Variants in LRRC47 observed in about 807,000 individuals in gnomAD.
LRRC47 encodes leucine rich repeat containing 47, also known as leucine-rich repeat-containing protein 47.
LRRC47 carries 31 observed loss-of-function variants against 40.9 expected under a neutral mutation model. That is an observed-to-expected ratio of 0.76 (90% CI 0.57 to 1.02). The LOEUF is 1.02. Among genes scored for constraint, LRRC47 ranks in the 50% least tolerant of loss-of-function variants. The pLI, the probability that LRRC47 is intolerant of heterozygous loss-of-function variation, is 0.00. For synonymous variants in LRRC47, 427 were observed against 371.9 expected (o/e 1.15, Z -1.70); for missense variants, 726 against 796.1 (o/e 0.91, Z 1.06).
chr1:3,794,746 C>T (rs1286448320), intron 1 of LRRC47, among the ~76,000 whole-genome samples: 3 of 151,724 alleles, frequency 2.0e-5, no homozygotes, highest in Non-Finnish European at 2.9e-5. Context: ...AAAGTGTATA[C>T]GTATTTTATT....
At chr1:3,789,934 A>G (rs903480581) in intron 1 of LRRC47, among the ~76,000 whole-genome samples, 5 of 152,174 alleles carry the variant, frequency 3.3e-5, no homozygotes, top group Non-Finnish European at 5.9e-5. Context: ...TGAGGGAGCA[A>G]GCAGGCGCGC....
Position 3,787,277 on chromosome 1 carries a change from T to A in LRRC47, c.649A>T (p.Ile217Phe). 1 of 1,612,896 alleles carries A rather than the reference T, an allele frequency of 6.2e-7. No homozygotes were observed. Residue 217 changes from isoleucine to phenylalanine, a missense_variant, in exon 2 of 7, where the codon ATC (isoleucine) becomes TTC (phenylalanine). Ile to Phe is a conservative substitution (Grantham distance 21). Coordinates refer to ENST00000378251, the MANE Select transcript of LRRC47 (RefSeq NM_020710.3). ...GGGCAGTCCGCAAGCTCTGCAGGGA[T>A]CTCGCTCAGCTGGTTGTTCGAGAGG... Reference protein sequence around the residue: ...LDLSNNQLSEIPAELADCPKL... With the variant: ...LDLSNNQLSEFPAELADCPKL...
chr1:3,794,474 G>C (rs1361426471), intron 1 of LRRC47, among the ~76,000 whole-genome samples: 1 of 151,764 alleles, frequency 6.6e-6, no homozygotes, highest in African/African-American at 2.4e-5. Context: ...AGCCTCCCGA[G>C]TAGCTGGGAC....
Position 3,787,054 on chromosome 1 carries a change from C to T in LRRC47, c.872G>A (p.Arg291Gln), listed in dbSNP as rs933583312. The change falls in exon 2 of 7, where the codon CGG (arginine) becomes CAG (glutamine). Residue 291 changes from arginine to glutamine, a missense_variant. Transcript: ENST00000378251. Reference sequence around the variant, plus strand: ...CTGCTCCTCCCCATCACCACCTTCCCGCCTCTGCTTCCTCTCCCTCCTCTT... The same window carrying T: ...CTGCTCCTCCCCATCACCACCTTCCTGCCTCTGCTTCCTCTCCCTCCTCTT... ...RRKRRERKQRREGGDGEEQDV... is the reference protein window; with the variant it reads ...RRKRRERKQRQEGGDGEEQDV... 10 of 1,613,576 alleles carry T rather than the reference C, an allele frequency of 6.2e-6. No homozygotes were observed. The highest frequency in any genetic ancestry group is 4.5e-5 in the East Asian group (2 of 44,846).
chr1:3,791,059 T>C (rs1212860082), intron 1 of LRRC47, among the ~76,000 whole-genome samples: 1 of 152,104 alleles, frequency 6.6e-6, no homozygotes, highest in Non-Finnish European at 1.5e-5. Context: ...TGAGGAGCCC[T>C]GAGCCCTGTG....
In LRRC47 at chr1:3,781,267, C is replaced by T. The variant is rs1310480048; in HGVS notation, c.1573G>A (p.Asp525Asn). The T allele has an allele frequency of 3.7e-6, 6 of 1,614,082 alleles. No homozygotes were observed. Among genetic ancestry groups the T allele is most frequent in the Admixed American group, 3.3e-5 (2 of 60,002 alleles). Residue 525 changes from aspartate (D) to asparagine (N), a missense_variant, in exon 7 of 7, where the codon GAT becomes AAT. Transcript: ENST00000378251. ...EEGSLSDTEA[D>N]AVSGQLPDPT... ...TCTGGAAGTTGTCCAGAGACTGCAT[C>T]GGCTTCAGTATCTGAGAGTGATCCT...
intron 1 of LRRC47, among the ~76,000 whole-genome samples, chr1:3,789,220 C>T (rs963296278): frequency 6.6e-6 from 1 of 152,276 alleles, no homozygotes; most frequent in Non-Finnish European, 1.5e-5. Context: ...CCTGTCAGAG[C>T]CCTGGCTCCA....
Position 3,787,254 on chromosome 1 carries a change from G to A in LRRC47, c.672C>T (p.Cys224=). Residue 224 remains cysteine, a synonymous_variant, in exon 2 of 7, where the codon TGC becomes TGT. Coordinates refer to ENST00000378251, the MANE Select transcript of LRRC47 (RefSeq NM_020710.3). ...GGAAATTGATCTCCTTGAGCTTGGG[G>A]CAGTCCGCAAGCTCTGCAGGGATCT... The part of the protein sequence containing the change: ...LSEIPAELAD[C]PKLKEINFRG... 6.2e-7 allele frequency: 1 copy of A among 1,613,474 alleles called. No homozygotes were observed. Among genetic ancestry groups the A allele is most frequent in the South Asian group, 1.1e-5 (1 of 91,086 alleles).
intron 5 of LRRC47, 76 bp from the exon 6 acceptor site, chr1:3,781,677 G>GA: frequency 1.6e-6 from 2 of 1,230,752 alleles, no homozygotes; most frequent in Non-Finnish European, 2.3e-6. Flanking sequence ...TTGTTCTCAG[G>GA]AAAAATCTAC....
rs17411356 is a variant in LRRC47 at position 3,780,471 on chromosome 1, A to G, written c.*617T>C. The G allele has an allele frequency of 0.098, 14,993 of 152,606 alleles. 854 individuals are homozygous for G. The highest frequency in any genetic ancestry group is 0.13 in the African/African-American group (5,347 of 41,506). 9.5% of individuals were successfully genotyped at this position (152,606 alleles called of 1,614,324 possible). On this transcript the variant is annotated 3_prime_UTR_variant, in exon 7 of 7. Transcript: ENST00000378251. Reference sequence around the variant, plus strand: ...TAACAGCACTGTACTTTTCTCCCATAAACAGTTACCTGCCATGTATCTACA... The same window carrying G: ...TAACAGCACTGTACTTTTCTCCCATGAACAGTTACCTGCCATGTATCTACA...
chr1:3,789,518 G>A (rs966095690), intron 1 of LRRC47, among the ~76,000 whole-genome samples: 23 of 152,366 alleles, frequency 1.5e-4, no homozygotes, highest in East Asian at 5.8e-4. Flanking sequence ...GGGCCCCACC[G>A]GGGCGCCCAG....
At chr1:3,790,737 G>C (rs1302702365) in intron 1 of LRRC47, among the ~76,000 whole-genome samples, 7 of 152,260 alleles carry the variant, frequency 4.6e-5, no homozygotes, top group Admixed American at 4.6e-4. Flanking sequence ...CCCAGTGGCT[G>C]GGAGGAAAGA....
At chr1:3,787,862 CGCAGGAAG>C (rs1643591051) in intron 1 of LRRC47, among the ~76,000 whole-genome samples, 1 of 152,128 alleles carries the variant, frequency 6.6e-6, no homozygotes, top group Non-Finnish European at 1.5e-5. Context: ...TCAGGGTTCA[CGCAGGAAG>C]GAAAGGGGAA....
intron 4 of LRRC47, chr1:3,783,032 C>T (rs1039780399): frequency 2.7e-5 from 13 of 478,154 alleles, no homozygotes; most frequent in Middle Eastern, 5.9e-4. Context: ...CAAAAAGCTC[C>T]GGTGCTGATC....
At chr1:3,790,749 G>A (rs144306136) in intron 1 of LRRC47, among the ~76,000 whole-genome samples, 1 of 152,364 alleles carries the variant, frequency 6.6e-6, no homozygotes, top group East Asian at 1.9e-4. Flanking sequence ...GAGGAAAGAG[G>A]GTCAGGGCCT....
At chr1:3,784,153 A>G in intron 3 of LRRC47, 42 bp from the exon 4 acceptor site, 1 of 1,531,368 alleles carries the variant, frequency 6.5e-7, no homozygotes, top group Non-Finnish European at 8.9e-7. Context: ...GGTCACAGCC[A>G]CAGAACTCGC....
chr1:3,783,977 C>T lies in LRRC47; in HGVS notation c.1310+19G>A, dbSNP rs138017878. 1.3e-6 allele frequency: 2 copies of T among 1,591,398 alleles called. No homozygotes were observed. Among genetic ancestry groups the T allele is most frequent in the African/African-American group, 2.7e-5 (2 of 74,478 alleles). On this transcript the variant is annotated intron_variant, in intron 4 of 6. Transcript: ENST00000378251. ...CACTCCCCCGGGCCCGGCCCCACCC[C>T]ACCAGGCACGCTGCCCACCTGTGCA... is the stretch of plus-strand genomic sequence containing the variant.
Position 3,784,024 on chromosome 1 carries a change from T to G in LRRC47, c.1282A>C (p.Lys428Gln). The G allele has an allele frequency of 6.8e-6, 11 of 1,611,060 alleles. No homozygotes were observed. The highest frequency in any genetic ancestry group is 3.3e-4 in the Middle Eastern group (2 of 6,056). The change falls in exon 4 of 7, where the codon AAG becomes CAG. Residue 428 changes from lysine to glutamine, a missense_variant. Lys to Gln is a moderately conservative substitution (Grantham distance 53, BLOSUM62 1). Transcript: ENST00000378251. ...LEAEEQRKQKKRQSVSGLHRY... is the reference protein window; with the variant it reads ...LEAEEQRKQKQRQSVSGLHRY... Reference sequence around the variant, plus strand: ...TGCAGGCCCGACACACTCTGCCGCTTCTTCTGCTTCCTCTGCTCCTCGGCC... The same window carrying G: ...TGCAGGCCCGACACACTCTGCCGCTGCTTCTGCTTCCTCTGCTCCTCGGCC...
rs35626368 is a variant in LRRC47, at chr1:3,785,872, C to CT, written c.1078-670dup. On this transcript the variant is annotated intron_variant, in intron 2 of 6. Coordinates refer to ENST00000378251, the MANE Select transcript of LRRC47 (RefSeq NM_020710.3). Reference sequence around the variant, plus strand: ...AAAAAATCAAGGAACCCTGATTTTCCTTTTTTTTTTTTTTTGAGATGGAGT... The same window carrying CT: ...AAAAAATCAAGGAACCCTGATTTTCCTTTTTTTTTTTTTTTTGAGATGGAGT... 8.6e-3 allele frequency among the ~76,000 whole-genome samples: 1,218 copies of CT among 141,654 alleles called. 7 individuals carry two copies. Among genetic ancestry groups the CT allele is most frequent in the African/African-American group, 0.024 (946 of 38,650 alleles). 92.9% of individuals were successfully genotyped at this position (141,654 alleles called of 152,430 possible). A position where few individuals can be genotyped will look rare whatever the true frequency, so the allele number is the denominator to read the frequency against.
Sources: allele counts gnomAD v4.1 joint callset (sites outside exome capture counted in the v4.1 genomes callset), GRCh38; gene constraint gnomAD v4.1.1; transcripts MANE v1.5; gene names NCBI Gene and HGNC (gene_info 2026-07-23, HGNC 2026-07-21).